Variants in CTNNA2 observed in about 807,000 individuals in gnomAD.
CTNNA2 encodes the protein catenin alpha 2, also known as catenin alpha-2.
Under a neutral mutation model 101.0 loss-of-function variants are expected in CTNNA2, and 42 were observed. The observed-to-expected ratio is 0.42, with a 90% CI of 0.32 to 0.54. The LOEUF (loss-of-function observed/expected upper bound fraction) is 0.54, where lower values mean the gene tolerates loss of function less well. CTNNA2 is among the 20% of genes least tolerant of loss of function. The probability of loss-of-function intolerance (pLI) is 0.14; values close to 1 mark genes in which losing one functional copy is unlikely to be tolerated. For synonymous variants in CTNNA2, 450 were observed against 456.4 expected, an observed-to-expected ratio of 0.99 and a Z score of 0.18; for missense variants, 871 against 1,223.1, an observed-to-expected ratio of 0.71 and a Z score of 4.29.
chr2:79,292,459 G>A (rs1355138899), intron 2 of CTNNA2, among the ~76,000 whole-genome samples: 1 of 152,162 alleles, frequency 6.6e-6, no homozygotes, highest in Non-Finnish European at 1.5e-5. Context: ...AATGACAAGG[G>A]TTGAATAGCT....
intron 1 of CTNNA2, among the ~76,000 whole-genome samples, chr2:79,569,061 C>T (rs926897295): frequency 1.3e-5 from 2 of 151,958 alleles, no homozygotes; most frequent in Non-Finnish European, 2.9e-5. Flanking sequence ...ATAATATTAA[C>T]GTTTCTATTT....
chr2:80,620,400 T>C (rs535689282), intron 18 of CTNNA2, among the ~76,000 whole-genome samples: 22 of 151,998 alleles, frequency 1.4e-4, no homozygotes, highest in Admixed American at 5.3e-4. Flanking sequence ...CCCAAAGTTA[T>C]ACACTTTTAT....
intron 2 of CTNNA2, among the ~76,000 whole-genome samples, chr2:79,721,042 C>A (rs1251815198): frequency 6.8e-6 from 1 of 146,210 alleles, no homozygotes; most frequent in Admixed American, 6.9e-5. Flanking sequence ...TATCATTGGC[C>A]CAGAAAAGTA....
At chr2:79,496,777 A>T (rs983346164) in intron 4 of CTNNA2, among the ~76,000 whole-genome samples, 1 of 152,166 alleles carries the variant, frequency 6.6e-6, no homozygotes, top group South Asian at 2.1e-4. Flanking sequence ...AGATATAATT[A>T]TATTAAAATG....
chr2:79,827,554 C>T (rs957715225), intron 3 of CTNNA2, among the ~76,000 whole-genome samples: 1 of 152,108 alleles, frequency 6.6e-6, no homozygotes, highest in Non-Finnish European at 1.5e-5. Context: ...GACCAAGGAG[C>T]ATGACACATG....
intron 1 of CTNNA2, among the ~76,000 whole-genome samples, chr2:79,610,351 G>A (rs11890258): frequency 0.13 from 19,660 of 152,020 alleles, 2,087 homozygotes; most frequent in African/African-American, 0.3. Context: ...ACTTTGAAAA[G>A]CAGTTTTCCA....
At chr2:79,261,376 A>T (rs1051151323) in intron 2 of CTNNA2, among the ~76,000 whole-genome samples, 1 of 152,348 alleles carries the variant, frequency 6.6e-6, no homozygotes, top group Non-Finnish European at 1.5e-5. Context: ...ATAGGAAGTG[A>T]GGGTAGTAAT....
chr2:80,521,877 C>T (rs1032858215), intron 9 of CTNNA2, among the ~76,000 whole-genome samples: 1 of 152,088 alleles, frequency 6.6e-6, no homozygotes, highest in East Asian at 1.9e-4. Flanking sequence ...CACTAAATAA[C>T]TAAATCAAAA....
chr2:80,439,508 C>T (rs1002474772), intron 9 of CTNNA2, among the ~76,000 whole-genome samples: 1 of 152,142 alleles, frequency 6.6e-6, no homozygotes, highest in Non-Finnish European at 1.5e-5. Flanking sequence ...AAGCAATTCT[C>T]CTGTCTCAGC....
intron 3 of CTNNA2, among the ~76,000 whole-genome samples, chr2:79,797,113 A>G (rs1480257049): frequency 6.6e-6 from 1 of 152,238 alleles, no homozygotes; most frequent in Non-Finnish European, 1.5e-5. Flanking sequence ...TTGTCAACAT[A>G]AGCTATTAAT....
chr2:79,977,193 TAC>T (rs1183838352), intron 7 of CTNNA2, among the ~76,000 whole-genome samples: 1 of 144,854 alleles, frequency 6.9e-6, no homozygotes, highest in African/African-American at 2.5e-5. Flanking sequence ...ATTGCAAACG[TAC>T]ACACACACGT....
At chr2:79,314,782 G>C (rs964046952) in intron 3 of CTNNA2, among the ~76,000 whole-genome samples, 1 of 152,136 alleles carries the variant, frequency 6.6e-6, no homozygotes, top group Non-Finnish European at 1.5e-5. Context: ...GCCTAAAAAA[G>C]AGTTTCAAAT....
chr2:79,713,655 A>G (rs1048815126), intron 2 of CTNNA2, among the ~76,000 whole-genome samples: 2 of 152,052 alleles, frequency 1.3e-5, no homozygotes, highest in African/African-American at 2.4e-5. Context: ...TCTTGATAGG[A>G]CACTGCACTT....
At chr2:79,613,139 A>G (rs1372533649) in intron 1 of CTNNA2, among the ~76,000 whole-genome samples, 2 of 147,290 alleles carry the variant, frequency 1.4e-5, no homozygotes, top group Non-Finnish European at 3.0e-5. Context: ...CACCATTAGT[A>G]TGTTTACAGT....
chr2:80,068,250 G>C (rs1286017592), intron 7 of CTNNA2, among the ~76,000 whole-genome samples: 1 of 152,174 alleles, frequency 6.6e-6, no homozygotes, highest in Non-Finnish European at 1.5e-5. Context: ...AGTACTGGAG[G>C]CCAGTGTTTT....
At chr2:79,892,528 AAATAT>A (rs1429146734) in intron 6 of CTNNA2, among the ~76,000 whole-genome samples, 2 of 152,222 alleles carry the variant, frequency 1.3e-5, no homozygotes, top group African/African-American at 4.8e-5. Flanking sequence ...ACATTATTTA[AAATAT>A]AATAGAATGT....
At chr2:80,157,542 T>C (rs578200649) in intron 7 of CTNNA2, among the ~76,000 whole-genome samples, 142 of 152,292 alleles carry the variant, frequency 9.3e-4, no homozygotes, top group Middle Eastern at 3.4e-3. Context: ...CGTGACCATT[T>C]TTTTGTTTAT....
At chr2:80,231,808 C>A (rs951100233) in intron 7 of CTNNA2, among the ~76,000 whole-genome samples, 1 of 152,206 alleles carries the variant, frequency 6.6e-6, no homozygotes, top group South Asian at 2.1e-4. Flanking sequence ...CCCTGCACAG[C>A]TGTCTCTTAT....
intron 7 of CTNNA2, among the ~76,000 whole-genome samples, chr2:80,381,808 G>A (rs1421359656): frequency 1.3e-5 from 2 of 152,140 alleles, no homozygotes. Flanking sequence ...GTTCCATTAA[G>A]GGTTCTCATC....
Sources: allele counts gnomAD v4.1 joint callset (sites outside exome capture counted in the v4.1 genomes callset), GRCh38; gene constraint gnomAD v4.1.1; transcripts MANE v1.5; gene names NCBI Gene and HGNC (gene_info 2026-07-23, HGNC 2026-07-21).